The following ANXA8L1 variants were observed in gnomAD, a reference collection of about 807,000 sequenced individuals.
ANXA8L1 encodes the protein annexin A8-like protein 1.
Under a neutral mutation model 22.5 loss-of-function variants are expected in ANXA8L1, and 10 were observed. That is an observed-to-expected ratio of 0.44 (90% CI 0.27 to 0.75). ANXA8L1 has a LOEUF of 0.75. ANXA8L1 is among the 30% of genes least tolerant of loss of function. The pLI, the probability that ANXA8L1 is intolerant of heterozygous loss-of-function variation, is 0.15. For synonymous variants in ANXA8L1, 36 were observed against 86.0 expected, an observed-to-expected ratio of 0.42 and a Z score of 3.22; for missense variants, 88 against 219.6, an observed-to-expected ratio of 0.40 and a Z score of 3.79.
At position 46,390,989 on chromosome 10, in the gene ANXA8L1, A is replaced by G; in HGVS notation, c.*59A>G. 1 of 1,217,644 alleles carries G rather than the reference A, an allele frequency of 8.2e-7. No homozygotes were observed. The highest frequency in any genetic ancestry group is 2.3e-5 in the East Asian group (1 of 42,830). The allele number at this position is 1,217,644 out of a possible 1,614,324, so 75.4% of individuals were successfully genotyped here. On this transcript the variant is annotated 3_prime_UTR_variant, in exon 12 of 12. Coordinates refer to ENST00000619162, the MANE Select transcript of ANXA8L1 (RefSeq NM_001098845.3). ...CAGAGTCTCCAGGACTCCTCACTCA[A>G]CCTCGGCCATGGACGCAGGTTGGGT... is the stretch of plus-strand genomic sequence containing the variant.
rs530620091 is a variant in ANXA8L1, at chr10:46,390,157, A to C, written c.925-714A>C. 1.2e-3 allele frequency among the ~76,000 whole-genome samples: 174 copies of C among 150,776 alleles called. 2 individuals carry two copies. The highest frequency in any genetic ancestry group is 4.2e-3 in the African/African-American group (169 of 40,686). On this transcript the variant is annotated intron_variant, in intron 11 of 11. Coordinates refer to ENST00000619162, the MANE Select transcript of ANXA8L1 (RefSeq NM_001098845.3). ...TGGCCCATTTCCCAGCTCTGTATGC[A>C]GACCCCGGACTAGCCAGTCCCATCA...
rs1325536268 is a variant in ANXA8L1 at position 46,385,592 on chromosome 10, T to C, written c.646+119T>C. 1.0e-3 allele frequency: 454 copies of C among 449,282 alleles called. 85 individuals are homozygous for C. The highest frequency in any genetic ancestry group is 2.9e-3 in the Middle Eastern group (5 of 1,750). The allele number at this position is 449,282 out of a possible 1,614,324, so 27.8% of individuals were successfully genotyped here. On this transcript the variant is annotated intron_variant, in intron 8 of 11. Transcript: ENST00000619162. ...GGGAGAGAGCCAGGGAGCCCAGGAC[T>C]GTTTCCCCAGCCACCAGTGGGAGGT... is the stretch of plus-strand genomic sequence containing the variant.
chr10:46,390,504 C>T (rs1554975466), intron 11 of ANXA8L1, among the ~76,000 whole-genome samples: 2 of 142,470 alleles, frequency 1.4e-5, no homozygotes, highest in Non-Finnish European at 3.1e-5. Context: ...CCCAAGCTGC[C>T]ACAGCAGGTG....
At chr10:46,390,542 A>G (rs1475332763) in intron 11 of ANXA8L1, among the ~76,000 whole-genome samples, 41 of 146,134 alleles carry the variant, frequency 2.8e-4, no homozygotes, top group Non-Finnish European at 5.8e-4. Flanking sequence ...GTGTTGTGTA[A>G]ATGAATGGCT....
At chr10:46,383,395 G>A in intron 4 of ANXA8L1, 61 bp from the exon 5 acceptor site, 1 of 593,160 alleles carries the variant, frequency 1.7e-6, no homozygotes, top group Non-Finnish European at 3.0e-6. Context: ...AGAAAAGAAG[G>A]TGTGGACAGA....
At chr10:46,390,528 C>T (rs1394754093) in intron 11 of ANXA8L1, among the ~76,000 whole-genome samples, 1 of 145,926 alleles carries the variant, frequency 6.9e-6, no homozygotes. Context: ...AATAATGATG[C>T]ATCGTGTTGT....
intron 1 of ANXA8L1, among the ~76,000 whole-genome samples, chr10:46,378,241 C>T (rs1456912556): frequency 7.1e-6 from 1 of 140,264 alleles, no homozygotes; most frequent in East Asian, 2.0e-4. Flanking sequence ...CAGAGGGAAG[C>T]CGGCAGGCAC....
intron 1 of ANXA8L1, 156 bp downstream of exon 1, chr10:46,376,028 A>C (rs1839923516): frequency 8.3e-7 from 1 of 1,198,532 alleles, no homozygotes. Context: ...GAAGGGGCCG[A>C]GAAGAAACAG....
chr10:46,384,773 G>T lies in ANXA8L1; in HGVS notation c.493-1G>T. 5 of 1,613,248 alleles carry T rather than the reference G, an allele frequency of 3.1e-6. No individual in the cohort carries two copies. The South Asian group carries it at 5.5e-5, about 18-fold the overall frequency. On this transcript the variant is annotated splice_acceptor_variant, in intron 6 of 11. Coordinates refer to ENST00000619162, the MANE Select transcript of ANXA8L1 (RefSeq NM_001098845.3). LOFTEE classifies it high-confidence loss of function. Reference sequence around the variant, plus strand: ...TACAGAGCCACCTCCTCTGTTCCTAGGGCAGCAGGGATGATGTGAGCAGCT... The same window carrying T: ...TACAGAGCCACCTCCTCTGTTCCTATGGCAGCAGGGATGATGTGAGCAGCT...
chr10:46,390,503 C>T (rs1840069242), intron 11 of ANXA8L1, among the ~76,000 whole-genome samples: 1 of 142,262 alleles, frequency 7.0e-6, no homozygotes, highest in Non-Finnish European at 1.5e-5. Flanking sequence ...TCCCAAGCTG[C>T]CACAGCAGGT....
Position 46,385,387 on chromosome 10 carries a change from A to AT in ANXA8L1, c.561dup (p.Ala188CysfsTer10). 9.8e-7 allele frequency: 1 copy of AT among 1,020,168 alleles called. No individual in the cohort carries two copies. Among genetic ancestry groups the AT allele is most frequent in the Non-Finnish European group, 1.4e-6 (1 of 725,904 alleles). The allele number at this position is 1,020,168 out of a possible 1,614,324, so 63.2% of individuals were successfully genotyped here. A position where few individuals can be genotyped will look rare whatever the true frequency, so the allele number is the denominator to read the frequency against. On this transcript the variant is annotated frameshift_variant, in exon 8 of 12. Coordinates refer to ENST00000619162, the MANE Select transcript of ANXA8L1 (RefSeq NM_001098845.3). LOFTEE classifies it high-confidence loss of function. ...TGGGTGTCCCAATGCTAGGATCTGT[A>AT]TGCGGCAGGCGAGAAGATTCGTGGG...
chr10:46,376,443 G>A (rs1311803297), intron 1 of ANXA8L1, among the ~76,000 whole-genome samples: 3 of 109,942 alleles, frequency 2.7e-5, no homozygotes, highest in African/African-American at 1.1e-4. Context: ...TACCTTAAGA[G>A]AAGTGGGAAG....
intron 7 of ANXA8L1, among the ~76,000 whole-genome samples, chr10:46,385,037 C>A (rs1244162612): frequency 2.4e-4 from 28 of 119,126 alleles, no homozygotes; most frequent in African/African-American, 9.6e-4. Context: ...GGTGGGGGAG[C>A]ACTAAAGCTC....
In ANXA8L1 at chr10:46,387,626, ACT is replaced by A. The variant is rs1840035097; in HGVS notation, c.786_787del (p.Tyr263LeufsTer10). 1 of 44,604 alleles carries A rather than the reference ACT, an allele frequency of 2.2e-5. No individual in the cohort carries two copies. Among genetic ancestry groups the A allele is most frequent in the Non-Finnish European group, 4.3e-5 (1 of 23,396 alleles). 2.8% of individuals were successfully genotyped at this position (44,604 alleles called of 1,614,324 possible). On this transcript the variant is annotated frameshift_variant, in exon 10 of 12. Coordinates refer to ENST00000619162, the MANE Select transcript of ANXA8L1 (RefSeq NM_001098845.3). LOFTEE classifies it high-confidence loss of function. ...ACCTCCACAGCTACTTTGCAGAGAG[ACT>A]CTACTATGCCATGAAGGTAACTGTC... ...QNLHSYFAER[L>X]YYAMKGAGTR...
chr10:46,384,867 C>T (rs1449538213), intron 7 of ANXA8L1, 34 bp downstream of exon 7: 14 of 1,611,716 alleles, frequency 8.7e-6, no homozygotes, highest in Non-Finnish European at 1.1e-5. Context: ...TGTGGCCCCA[C>T]CCCCTGCCAT....
intron 4 of ANXA8L1, among the ~76,000 whole-genome samples, chr10:46,383,250 T>C (rs1469108870): frequency 1.3e-5 from 2 of 149,988 alleles, no homozygotes; most frequent in African/African-American, 5.0e-5. Context: ...GAGGGAGAGC[T>C]GAGACAGGGC....
chr10:46,376,651 G>A lies in ANXA8L1; in HGVS notation c.21+779G>A, dbSNP rs1441364145. On this transcript the variant is annotated intron_variant, in intron 1 of 11. Transcript: ENST00000619162. ...TGCCCAGCAGAACTGATGGGTTCTC[G>A]GGAGCTTTCTGTCTATGGTTGAGCC... Among the ~76,000 whole-genome samples the A allele has an allele frequency of 4.3e-5, 6 of 140,142 alleles. No individual in the cohort carries two copies. In the South Asian group the frequency reaches 7.0e-4, roughly 16 times the overall value. The allele number at this position is 140,142 out of a possible 152,430, so 91.9% of individuals were successfully genotyped here.
At chr10:46,390,545 G>T (rs1554975474) in intron 11 of ANXA8L1, among the ~76,000 whole-genome samples, 2 of 146,146 alleles carry the variant, frequency 1.4e-5, no homozygotes, top group Non-Finnish European at 3.0e-5. Flanking sequence ...TTGTGTAAAT[G>T]AATGGCTGGG....
At position 46,382,621 on chromosome 10, in the gene ANXA8L1, G is replaced by C; in HGVS notation, c.250G>C (p.Glu84Gln). 7.7e-7 allele frequency: 1 copy of C among 1,290,724 alleles called. No individual in the cohort carries two copies. The allele number at this position is 1,290,724 out of a possible 1,614,324, so 80.0% of individuals were successfully genotyped here. ...GAAGTCTGAGCTCAGTGGCAAGTTT[G>C]AGAGGCTCATTGTGGCCCTTATGTA... ...TLKSELSGKF[E>Q]RLIVALMYPP... Residue 84 changes from glutamate (E) to glutamine (Q), a missense_variant, in exon 4 of 12, where the codon GAG becomes CAG. By Grantham distance (29) the Glu-to-Gln change is conservative (BLOSUM62 2). Coordinates refer to ENST00000619162, the MANE Select transcript of ANXA8L1 (RefSeq NM_001098845.3).
Sources: gnomAD v4.1 joint callset for allele counts (sites outside exome capture counted in the v4.1 genomes callset) on GRCh38, gnomAD v4.1.1 for gene constraint, MANE v1.5 for transcripts, NCBI Gene and HGNC (gene_info 2026-07-23, HGNC 2026-07-21) for gene names.